Variants in TBL1XR1 observed in about 807,000 individuals in gnomAD.
TBL1XR1 encodes TBL1X/Y related 1.
A neutral mutation model predicts 66.9 loss-of-function variants in TBL1XR1; 5 were observed. The observed-to-expected ratio is 0.07, with a 90% confidence interval of 0.04 to 0.16. The LOEUF is 0.16. TBL1XR1 is among the 10% of genes least tolerant of loss of function. The probability of loss-of-function intolerance (pLI) is 1.00; values close to 1 mark genes in which losing one functional copy is unlikely to be tolerated. For synonymous variants in TBL1XR1, 210 were observed against 206.0 expected, an observed-to-expected ratio of 1.02 and a Z score of -0.17; for missense variants, 238 against 623.2, an observed-to-expected ratio of 0.38 and a Z score of 6.58.
intron 2 of TBL1XR1, among the ~76,000 whole-genome samples, chr3:177,068,840 A>T (rs1719500509): frequency 6.6e-6 from 1 of 152,230 alleles, no homozygotes. Context: ...TATCTTCTTA[A>T]ATCTCCTAGC....
intron 1 of TBL1XR1, among the ~76,000 whole-genome samples, chr3:177,141,464 C>A (rs530169513): frequency 2.2e-4 from 34 of 151,976 alleles, no homozygotes; most frequent in Non-Finnish European, 4.1e-4. Context: ...TGCATATGAT[C>A]TCAAGTGTTA....
intron 1 of TBL1XR1, among the ~76,000 whole-genome samples, chr3:177,109,869 T>C (rs1725337495): frequency 6.6e-6 from 1 of 152,108 alleles, no homozygotes; most frequent in African/African-American, 2.4e-5. Flanking sequence ...GACAGCAAGA[T>C]ACTCAGGAAG....
intron 1 of TBL1XR1, 126 bp downstream of exon 1, chr3:177,196,995 T>G (rs1035177495): frequency 1.3e-5 from 2 of 149,510 alleles, no homozygotes; most frequent in African/African-American, 2.5e-5. Context: ...AAGGGCCAAG[T>G]TGAAAAATGC....
intron 1 of TBL1XR1, among the ~76,000 whole-genome samples, chr3:177,113,266 A>T (rs1356561147): frequency 2.0e-5 from 3 of 152,196 alleles, no homozygotes. Flanking sequence ...CTAGAAAATT[A>T]CTAAAAGAAA....
chr3:177,132,724 C>A (rs908750176), intron 1 of TBL1XR1, among the ~76,000 whole-genome samples: 1 of 152,084 alleles, frequency 6.6e-6, no homozygotes, highest in Admixed American at 6.6e-5. Context: ...CAGGGATAGG[C>A]TCTAAGGAAA....
intron 1 of TBL1XR1, among the ~76,000 whole-genome samples, chr3:177,183,703 G>T (rs1473450081): frequency 6.6e-6 from 1 of 151,954 alleles, no homozygotes; most frequent in Non-Finnish European, 1.5e-5. Flanking sequence ...GACCTCAGGT[G>T]ATCCACCCAC....
intron 1 of TBL1XR1, among the ~76,000 whole-genome samples, chr3:177,155,323 T>G (rs1303113745): frequency 6.6e-6 from 1 of 152,210 alleles, no homozygotes; most frequent in African/African-American, 2.4e-5. Context: ...TGATCAAGAT[T>G]TGTATTGTGA....
At chr3:177,195,126 CA>C (rs200675838) in intron 1 of TBL1XR1, among the ~76,000 whole-genome samples, 1 of 150,258 alleles carries the variant, frequency 6.7e-6, no homozygotes, top group South Asian at 2.1e-4. Flanking sequence ...ACTCAAACGT[CA>C]AAAAAAATAG....
intron 1 of TBL1XR1, among the ~76,000 whole-genome samples, chr3:177,154,940 T>C (rs1481079500): frequency 6.6e-6 from 1 of 152,166 alleles, no homozygotes; most frequent in Non-Finnish European, 1.5e-5. Flanking sequence ...CACAGAGTAT[T>C]TTCTCTGGCT....
chr3:177,144,720 T>A lies in TBL1XR1; in HGVS notation c.-121-46179A>T, dbSNP rs554637243. On this transcript the variant is annotated intron_variant, in intron 1 of 15. Coordinates refer to ENST00000457928, the MANE Select transcript of TBL1XR1 (RefSeq NM_024665.7). Reference sequence around the variant, plus strand: ...GTGCGCCGAGATTGCACCACTGCACTCCAGCCTGGGCGACAGAGGGAGACT... The same window carrying A: ...GTGCGCCGAGATTGCACCACTGCACACCAGCCTGGGCGACAGAGGGAGACT... Among the ~76,000 whole-genome samples the A allele has an allele frequency of 4.0e-5, 6 of 151,124 alleles. No individual in the cohort carries two copies. In the East Asian group the frequency reaches 7.8e-4, roughly 20 times the overall value.
rs551867401 is a variant in TBL1XR1, at chr3:177,036,556, T to C, written c.1122+1542A>G. On this transcript the variant is annotated intron_variant, in intron 12 of 15. Coordinates refer to ENST00000457928, the MANE Select transcript of TBL1XR1 (RefSeq NM_024665.7). Reference sequence around the variant, plus strand: ...GCACAAGGCCCTCTGGACACTGCCCTTCTGTCATTTCCTCATATGTGTCAC... The same window carrying C: ...GCACAAGGCCCTCTGGACACTGCCCCTCTGTCATTTCCTCATATGTGTCAC... Among the ~76,000 whole-genome samples, 6 of 152,362 alleles carry C rather than the reference T, an allele frequency of 3.9e-5. No individual in the cohort carries two copies. In the South Asian group the frequency reaches 1.2e-3, roughly 32 times the overall value.
chr3:177,054,045 CG>C (rs1717465398), intron 3 of TBL1XR1, 127 bp from the exon 4 acceptor site: 1 of 614,960 alleles, frequency 1.6e-6, no homozygotes, highest in African/African-American at 1.9e-5. Flanking sequence ...AGACGAAGGT[CG>C]TGTGTGTGTG....
At chr3:177,036,825 A>T (rs946977116) in intron 12 of TBL1XR1, among the ~76,000 whole-genome samples, 2 of 152,254 alleles carry the variant, frequency 1.3e-5, no homozygotes, top group African/African-American at 4.8e-5. Flanking sequence ...CATGATTTTC[A>T]TATCTGTAAC....
At chr3:177,160,964 C>T (rs1167979775) in intron 1 of TBL1XR1, 17 of 149,756 alleles carry the variant, frequency 1.1e-4, no homozygotes, top group Admixed American at 4.0e-4. Context: ...CCACTGCACT[C>T]GAGCCTGGGT....
At chr3:177,141,122 A>G (rs1479497145) in intron 1 of TBL1XR1, among the ~76,000 whole-genome samples, 1 of 152,244 alleles carries the variant, frequency 6.6e-6, no homozygotes, top group Non-Finnish European at 1.5e-5. Flanking sequence ...TCCCATAGTT[A>G]ATACTGACTC....
At chr3:177,037,446 T>C (rs1434400050) in intron 12 of TBL1XR1, 1 of 152,296 alleles carries the variant, frequency 6.6e-6, no homozygotes, top group African/African-American at 2.4e-5. Flanking sequence ...GTGTTCCCAG[T>C]TGAGACAGGC....
intron 1 of TBL1XR1, among the ~76,000 whole-genome samples, chr3:177,112,092 TA>T (rs1725669595): frequency 6.3e-5 from 3 of 47,698 alleles, no homozygotes; most frequent in Non-Finnish European, 1.1e-4. Flanking sequence ...TATATATATA[TA>T]TATATATATA....
chr3:177,054,001 CTT>C lies in TBL1XR1; in HGVS notation c.59-85_59-84del, dbSNP rs1424210407. On this transcript the variant is annotated intron_variant, in intron 3 of 15. Transcript: ENST00000457928. The stretch of plus-strand genomic sequence containing the variant: ...ACACAGAAAGAAAGATCACCATCAT[CTT>C]TTCAAATCCCATCCTACCCATTTAA... 131 of 1,417,842 alleles carry C rather than the reference CTT, an allele frequency of 9.2e-5. No homozygotes were observed. In the Admixed American group the frequency reaches 2.7e-3, roughly 29 times the overall value. 87.8% of individuals were successfully genotyped at this position (1,417,842 alleles called of 1,614,324 possible). A position where few individuals can be genotyped will look rare whatever the true frequency, so the allele number is the denominator to read the frequency against.
At chr3:177,110,234 C>T (rs186443584) in intron 1 of TBL1XR1, among the ~76,000 whole-genome samples, 4 of 152,324 alleles carry the variant, frequency 2.6e-5, no homozygotes, top group Admixed American at 1.3e-4. Flanking sequence ...TTCAGACACA[C>T]ATTCTTACAA....
Sources: allele counts gnomAD v4.1 joint callset (sites outside exome capture counted in the v4.1 genomes callset), GRCh38; gene constraint gnomAD v4.1.1; transcripts MANE v1.5; gene names NCBI Gene and HGNC (gene_info 2026-07-23, HGNC 2026-07-21).